The following GAS2L3 variants were observed in gnomAD, a reference collection of about 807,000 sequenced individuals.
The protein encoded by GAS2L3 is growth arrest specific 2 like 3.
GAS2L3 carries 28 observed loss-of-function variants against 37.0 expected under a neutral mutation model. The ratio of observed to expected loss-of-function variants is 0.76; its 90% confidence interval spans 0.56 to 1.04. The LOEUF is 1.04. GAS2L3 is among the 50% of genes least tolerant of loss of function. The pLI, the probability that GAS2L3 is intolerant of heterozygous loss-of-function variation, is 0.00. For synonymous variants in GAS2L3, 290 were observed against 296.6 expected (o/e 0.98, Z 0.23); for missense variants, 793 against 817.6 (o/e 0.97, Z 0.37).
intron 5 of GAS2L3, among the ~76,000 whole-genome samples, chr12:100,603,522 T>C (rs1378695574): frequency 6.6e-6 from 1 of 152,218 alleles, no homozygotes; most frequent in Non-Finnish European, 1.5e-5. Context: ...GAGCTCCTTA[T>C]ATATTCTACT....
chr12:100,579,236 G>A (rs1262971672), intron 1 of GAS2L3: 2 of 607,010 alleles, frequency 3.3e-6, no homozygotes, highest in Non-Finnish European at 3.0e-6. Context: ...GGTCCATTCA[G>A]TGCTTACAAA....
In GAS2L3 at chr12:100,622,356, C is replaced by G. The variant is rs761401630; in HGVS notation, c.730C>G (p.Leu244Val). 1.3e-6 allele frequency: 2 copies of G among 1,575,104 alleles called. No individual in the cohort carries two copies. The highest frequency in any genetic ancestry group is 1.7e-6 in the Non-Finnish European group (2 of 1,145,994). ...IEYLSEGRYR[L>V]GDKILFIRML... ...GTATTTATCTGAAGGACGGTACCGA[C>G]TAGGGGATAAAATACTCTTTATAAG... The change falls in exon 9 of 10, where the codon CTA becomes GTA. Residue 244 changes from leucine to valine, a missense_variant. Physicochemically the swap from Leu to Val is conservative, Grantham distance 32. Coordinates refer to ENST00000547754, the MANE Select transcript of GAS2L3 (RefSeq NM_174942.3).
intron 3 of GAS2L3, among the ~76,000 whole-genome samples, chr12:100,597,604 A>T (rs770027801): frequency 3.3e-5 from 5 of 151,550 alleles, no homozygotes; most frequent in Non-Finnish European, 7.4e-5. Flanking sequence ...TTTGTCTTTG[A>T]TGGGGTTTTT....
rs969535834 is a variant in GAS2L3, at chr12:100,623,547, T to C, written c.757-15T>C. The C allele has an allele frequency of 6.4e-7, 1 of 1,572,452 alleles. No homozygotes were observed. Among genetic ancestry groups the C allele is most frequent in the African/African-American group, 1.4e-5 (1 of 73,120 alleles). ...CAGTATTACAGCTTTACTTTTTGTT[T>C]TCCTTTGGGGGCAGATGCTTCATGG... On this transcript the variant is annotated splice_polypyrimidine_tract_variant and intron_variant, in intron 9 of 9. Transcript: ENST00000547754.
chr12:100,609,518 C>T (rs1013371821), intron 5 of GAS2L3, among the ~76,000 whole-genome samples: 1 of 152,090 alleles, frequency 6.6e-6, no homozygotes, highest in South Asian at 2.1e-4. Flanking sequence ...AGGGGTGGTA[C>T]AAGCACACGC....
chr12:100,580,393 C>T lies in GAS2L3; in HGVS notation c.-152+6608C>T, dbSNP rs144824295. 1.6e-3 allele frequency among the ~76,000 whole-genome samples: 240 copies of T among 152,062 alleles called. 2 individuals carry two copies. The East Asian group carries it at 0.024, about 15-fold the overall frequency. ...CTTAGGCAATTCCTGAGTGTAGAAA[C>T]CTTGCACTTATTTAAAATTTAGAAG... On this transcript the variant is annotated intron_variant, in intron 1 of 9. Transcript: ENST00000547754.
intron 9 of GAS2L3, among the ~76,000 whole-genome samples, 195 bp from the exon 10 acceptor site, chr12:100,623,367 T>G (rs747301190): frequency 5.9e-5 from 9 of 152,202 alleles, no homozygotes; most frequent in Non-Finnish European, 1.0e-4. Flanking sequence ...TTTGTATCAT[T>G]AGTTGCATAA....
rs374154516 is a variant in GAS2L3, at chr12:100,617,800, G to A, written c.502G>A (p.Val168Met). The change falls in exon 7 of 10, where the codon GTG becomes ATG. Residue 168 changes from valine (V) to methionine (M), a missense_variant. Coordinates refer to ENST00000547754, the MANE Select transcript of GAS2L3 (RefSeq NM_174942.3). ...TTGTCTTCTTGAAATTGGTCGAATT[G>A]TGTCAAGGTATGTATTCCACAATAT... ...YLCLLEIGRI[V>M]SRYGVEPPVL... 1 of 1,584,596 alleles carries A rather than the reference G, an allele frequency of 6.3e-7. No homozygotes were observed. The highest frequency in any genetic ancestry group is 1.3e-5 in the African/African-American group (1 of 74,394).
intron 6 of GAS2L3, among the ~76,000 whole-genome samples, chr12:100,615,481 A>G (rs1293199806): frequency 1.3e-5 from 2 of 152,052 alleles, no homozygotes; most frequent in Non-Finnish European, 1.5e-5. Context: ...CCTTTGATAT[A>G]CGAAAGTTTT....
chr12:100,623,898 G>A lies in GAS2L3; in HGVS notation c.1093G>A (p.Gly365Ser), dbSNP rs139165827. ...ATCTTCACTGAAAGGAGGTAATCTG[G>A]GCTCTATGTCAGTCCGTTCTAAATT... ...PASSLKGGNL[G>S]SMSVRSKLPN... Residue 365 changes from glycine (G) to serine (S), a missense_variant, in exon 10 of 10, where the codon GGC becomes AGC. Coordinates refer to ENST00000547754, the MANE Select transcript of GAS2L3 (RefSeq NM_174942.3). 3.1e-6 allele frequency: 5 copies of A among 1,613,866 alleles called. No homozygotes were observed. The African/African-American group carries it at 4.0e-5, about 13-fold the overall frequency.
Position 100,624,383 on chromosome 12 carries a change from C to CA in GAS2L3, c.1582dup (p.Thr528AsnfsTer28), listed in dbSNP as rs1411633696. The stretch of plus-strand genomic sequence containing the variant: ...CTGCAAAAATGACAAAAACCAGTTC[C>CA]AAAACCATAGCCACGGGTCTAGGAA... On this transcript the variant is annotated frameshift_variant, in exon 10 of 10. Coordinates refer to ENST00000547754, the MANE Select transcript of GAS2L3 (RefSeq NM_174942.3). LOFTEE classifies it low-confidence loss of function (END_TRUNC). 6.2e-7 allele frequency: 1 copy of CA among 1,613,570 alleles called. No homozygotes were observed. The highest frequency in any genetic ancestry group is 8.5e-7 in the Non-Finnish European group (1 of 1,179,888).
chr12:100,607,363 C>T (rs1453576565), intron 5 of GAS2L3, among the ~76,000 whole-genome samples: 2 of 151,980 alleles, frequency 1.3e-5, no homozygotes, highest in Non-Finnish European at 2.9e-5. Context: ...TTTCTTTATC[C>T]TTGACCTTTG....
chr12:100,576,416 A>ATTATTG (rs1231069889), intron 1 of GAS2L3, among the ~76,000 whole-genome samples: 128 of 152,274 alleles, frequency 8.4e-4, no homozygotes, highest in African/African-American at 2.9e-3. Flanking sequence ...TGTGTATTTT[A>ATTATTG]CTTCTTATTA....
rs1310269000 is a variant in GAS2L3, at chr12:100,617,840, GT to G, written c.509+35del. 3.1e-6 allele frequency: 4 copies of G among 1,276,420 alleles called. No homozygotes were observed. In the South Asian group the frequency reaches 5.1e-5, roughly 16 times the overall value. The allele number at this position is 1,276,420 out of a possible 1,614,324, so 79.1% of individuals were successfully genotyped here. On this transcript the variant is annotated intron_variant, in intron 7 of 9. Transcript: ENST00000547754. ...TTCCACAATATTTCAGAATTTCAAT[GT>G]TATAAACATTTTAAATCTACTGAAT...
At chr12:100,585,216 A>G (rs1955765296) in intron 1 of GAS2L3, among the ~76,000 whole-genome samples, 1 of 149,720 alleles carries the variant, frequency 6.7e-6, no homozygotes, top group South Asian at 2.1e-4. Flanking sequence ...AATGTTTTTA[A>G]AGGCTTCCTG....
intron 5 of GAS2L3, among the ~76,000 whole-genome samples, chr12:100,605,712 A>G (rs1956047547): frequency 6.6e-6 from 1 of 151,412 alleles, no homozygotes; most frequent in South Asian, 2.1e-4. Flanking sequence ...TTTTCAAGAA[A>G]TTTTTCAATT....
At chr12:100,623,075 A>G (rs374023013) in intron 9 of GAS2L3, among the ~76,000 whole-genome samples, 10 of 152,246 alleles carry the variant, frequency 6.6e-5, no homozygotes, top group Admixed American at 2.6e-4. Flanking sequence ...ATTTTCTTCT[A>G]TTTCACATAT....
intron 5 of GAS2L3, among the ~76,000 whole-genome samples, chr12:100,610,131 G>A (rs1475000585): frequency 6.6e-6 from 1 of 152,158 alleles, no homozygotes; most frequent in Non-Finnish European, 1.5e-5. Context: ...GCCCCCTAAA[G>A]CACATCTTTT....
intron 8 of GAS2L3, among the ~76,000 whole-genome samples, 193 bp from the exon 9 acceptor site, chr12:100,622,082 C>CTG (rs1956261513): frequency 6.6e-6 from 1 of 152,104 alleles, no homozygotes; most frequent in African/African-American, 2.4e-5. Flanking sequence ...TTTGGGAAGA[C>CTG]TGTGGCTTTT....
Sources: allele counts gnomAD v4.1 joint callset (sites outside exome capture counted in the v4.1 genomes callset), GRCh38; gene constraint gnomAD v4.1.1; transcripts MANE v1.5; gene names NCBI Gene and HGNC (gene_info 2026-07-23, HGNC 2026-07-21).